HIBCH: variants seen among roughly 807,000 people sequenced by gnomAD.
HIBCH encodes 3-hydroxyisobutyryl-CoA hydrolase.
In HIBCH, 50 loss-of-function variants were observed where a neutral mutation model predicts 58.2. The observed-to-expected ratio is 0.86, with a 90% CI of 0.68 to 1.09. HIBCH has a LOEUF of 1.09. Ranked by LOEUF, HIBCH falls within the 50% of genes least tolerant of loss-of-function variation. The pLI, the probability that HIBCH is intolerant of heterozygous loss-of-function variation, is 0.00. For synonymous variants in HIBCH, 151 were observed against 146.9 expected (o/e 1.03, Z -0.20); for missense variants, 450 against 449.7 (o/e 1.00, Z -0.01).
chr2:190,288,174 T>A lies in HIBCH; in HGVS notation c.386-536A>T, dbSNP rs2353897. Among the ~76,000 whole-genome samples, 28 of 144,874 alleles carry A rather than the reference T, an allele frequency of 1.9e-4. 2 individuals carry two copies. The highest frequency in any genetic ancestry group is 4.1e-4 in the East Asian group (2 of 4,930). On this transcript the variant is annotated intron_variant, in intron 5 of 13. Coordinates refer to ENST00000359678, the MANE Select transcript of HIBCH (RefSeq NM_014362.4). ...ACCCTATCTTTTTTTTTTTTTTTTT[T>A]AAAAAAAGGAAGAGCTATGTCACAT...
At chr2:190,256,242 A>T (rs1686918645) in intron 7 of HIBCH, among the ~76,000 whole-genome samples, 1 of 152,080 alleles carries the variant, frequency 6.6e-6, no homozygotes, top group Admixed American at 6.6e-5. Flanking sequence ...TCACTACATG[A>T]GACTAAGGAA....
chr2:190,191,174 G>C (rs767677992), intron 1 of HIBCH, among the ~76,000 whole-genome samples: 1 of 152,026 alleles, frequency 6.6e-6, no homozygotes, highest in Non-Finnish European at 1.5e-5. Flanking sequence ...GTCTCACTCT[G>C]TCACCCAGGC....
At chr2:190,192,452 CTG>C (rs147936734) in intron 1 of HIBCH, among the ~76,000 whole-genome samples, 19,243 of 145,182 alleles carry the variant, frequency 0.13, 1,264 homozygotes, top group Middle Eastern at 0.16. Flanking sequence ...AATTCAGAAT[CTG>C]TGTGTGTGTG....
chr2:190,219,928 C>T (rs1416535150), intron 11 of HIBCH, among the ~76,000 whole-genome samples: 1 of 152,210 alleles, frequency 6.6e-6, no homozygotes, highest in Admixed American at 6.5e-5. Flanking sequence ...TACAGTAGCT[C>T]TTTCCTACTC....
chr2:190,287,679 A>C, intron 5 of HIBCH, 41 bp from the exon 6 acceptor site: 3 of 1,426,138 alleles, frequency 2.1e-6, no homozygotes, highest in South Asian at 2.4e-5. Context: ...CAGTGTTTAA[A>C]ATACATTCCC....
chr2:190,240,355 T>G (rs1006421903), intron 11 of HIBCH, among the ~76,000 whole-genome samples: 7 of 152,172 alleles, frequency 4.6e-5, no homozygotes, highest in African/African-American at 1.7e-4. Context: ...ATCCCCTTTA[T>G]CATTTTTTAT....
chr2:190,201,575 C>T (rs1339468037), downstream of HIBCH: 1 of 166,924 alleles, frequency 6.0e-6, no homozygotes, highest in Non-Finnish European at 1.5e-5. Context: ...GAAAATCTAC[C>T]TCTAATTTTA....
chr2:190,198,278 T>A (rs193042594), intron 1 of HIBCH, among the ~76,000 whole-genome samples: 29 of 152,200 alleles, frequency 1.9e-4, no homozygotes, highest in African/African-American at 6.7e-4. Context: ...AAACATCACC[T>A]CCTCTGGACA....
chr2:190,207,192 ATTGG>A lies in HIBCH; in HGVS notation c.1045+1684_1045+1687del, dbSNP rs1425030298. Among the ~76,000 whole-genome samples, 5 of 152,172 alleles carry A rather than the reference ATTGG, an allele frequency of 3.3e-5. No homozygotes were observed. The highest frequency in any genetic ancestry group is 3.3e-4 in the Admixed American group (5 of 15,276). On this transcript the variant is annotated intron_variant, in intron 13 of 13. Coordinates refer to ENST00000359678, the MANE Select transcript of HIBCH (RefSeq NM_014362.4). The surrounding 1 kb of genome is among the most constrained non-coding windows in gnomAD (Gnocchi z 4.5). ...TTTATGAATCAGAACTTTGATGCTG[ATTGG>A]TTTCAACATTTTTTCCTCAAAATAA...
chr2:190,274,803 T>C (rs925911036), intron 6 of HIBCH, among the ~76,000 whole-genome samples: 13 of 152,184 alleles, frequency 8.5e-5, no homozygotes, highest in Admixed American at 3.9e-4. Context: ...AGAGAAACGA[T>C]TGTTTTGCAG....
intron 6 of HIBCH, among the ~76,000 whole-genome samples, chr2:190,271,089 C>G (rs1243480161): frequency 2.0e-5 from 3 of 151,824 alleles, no homozygotes; most frequent in African/African-American, 7.3e-5. Context: ...TCTCCCCAGC[C>G]CACCCCATAG....
chr2:190,200,033 T>G (rs1399143395), downstream of HIBCH: 10 of 1,613,972 alleles, frequency 6.2e-6, no homozygotes, highest in African/African-American at 1.2e-4. Context: ...AATACTGTGA[T>G]CTTGGAATAT....
chr2:190,279,469 T>C lies in HIBCH; in HGVS notation c.438+8117A>G, dbSNP rs1377338395. On this transcript the variant is annotated intron_variant, in intron 6 of 13. Coordinates refer to ENST00000359678, the MANE Select transcript of HIBCH (RefSeq NM_014362.4). The surrounding 1 kb of genome is among the most constrained non-coding windows in gnomAD (Gnocchi z 4.2). ...TCCAGAGTCCCATCTGTGAAGCCTGTGTAATCAAAACAAGTTATCTACTTC... is the reference window on the plus strand; with the variant it reads ...TCCAGAGTCCCATCTGTGAAGCCTGCGTAATCAAAACAAGTTATCTACTTC... Among the ~76,000 whole-genome samples the C allele has an allele frequency of 6.6e-6, 1 of 152,220 alleles. No homozygotes were observed. Among genetic ancestry groups the C allele is most frequent in the African/African-American group, 2.4e-5 (1 of 41,470 alleles).
intron 1 of HIBCH, among the ~76,000 whole-genome samples, chr2:190,198,766 T>C (rs1394337566): frequency 1.3e-5 from 2 of 152,172 alleles, no homozygotes; most frequent in African/African-American, 4.8e-5. Flanking sequence ...CTGTGCTTCT[T>C]ACACTCAGTC....
At chr2:190,308,795 C>T (rs765400723) in intron 2 of HIBCH, among the ~76,000 whole-genome samples, 8 of 152,214 alleles carry the variant, frequency 5.3e-5, no homozygotes, top group Non-Finnish European at 1.2e-4. Context: ...TGCCAGGCTT[C>T]GTATCCCCAT....
At position 190,261,208 on chromosome 2, in the gene HIBCH, T is replaced by C. The variant is rs1271029351; in HGVS notation, c.465A>G (p.Gln155=). The change falls in exon 7 of 14, where the codon CAA becomes CAG. Residue 155 remains glutamine, a synonymous_variant. Transcript: ENST00000359678. ...GACACTTTTCTGTAGCCACTCGAAA[T>C]TGCCCATGGACTGAGAGACCAACTC... ...GGGVGLSVHG[Q]FRVATEKCLF... 9.9e-6 allele frequency: 16 copies of C among 1,613,426 alleles called. No individual in the cohort carries two copies. The highest frequency in any genetic ancestry group is 2.2e-5 in the East Asian group (1 of 44,854).
At chr2:190,318,237 G>C (rs1339546331) in intron 1 of HIBCH, among the ~76,000 whole-genome samples, 1 of 150,528 alleles carries the variant, frequency 6.6e-6, no homozygotes, top group South Asian at 2.1e-4. Context: ...CCCTAAGACA[G>C]ATGATTTGGG....
chr2:190,260,852 C>T (rs1687068204), intron 7 of HIBCH, among the ~76,000 whole-genome samples: 3 of 152,142 alleles, frequency 2.0e-5, no homozygotes, highest in African/African-American at 7.2e-5. Context: ...TTGATCACAA[C>T]TCAAAACTGC....
Position 190,249,287 on chromosome 2 carries a change from A to G in HIBCH, c.750+353T>C, listed in dbSNP as rs571087498. Among the ~76,000 whole-genome samples, 5 of 152,338 alleles carry G rather than the reference A, an allele frequency of 3.3e-5. No homozygotes were observed. In the South Asian group the frequency reaches 1.0e-3, roughly 32 times the overall value. On this transcript the variant is annotated intron_variant, in intron 9 of 13. Coordinates refer to ENST00000359678, the MANE Select transcript of HIBCH (RefSeq NM_014362.4). ...GAATTAAAAATACATGCTGCAATAA[A>G]CTTTATTAAATATAAATAAATGTCA...
Sources: allele counts gnomAD v4.1 joint callset (sites outside exome capture counted in the v4.1 genomes callset), GRCh38; gene constraint gnomAD v4.1.1; non-coding constraint Gnocchi (gnomAD v3.1); transcripts MANE v1.5; gene names NCBI Gene and HGNC (gene_info 2026-07-23, HGNC 2026-07-21).